Variants in LSMEM2 observed in about 807,000 individuals in gnomAD.
LSMEM2 encodes leucine rich single-pass membrane protein 2, also known as leucine-rich single-pass membrane protein 2.
LSMEM2 carries 20 observed loss-of-function variants against 17.3 expected under a neutral mutation model. The observed-to-expected ratio is 1.16, with a 90% CI of 0.81 to 1.68. The LOEUF (loss-of-function observed/expected upper bound fraction) is 1.68. Ranked by LOEUF, LSMEM2 falls within the 40% of genes most tolerant of loss-of-function variation. LSMEM2 has a pLI of 0.00. For missense variants in LSMEM2, 207 were observed against 214.3 expected (o/e 0.97, Z 0.21); for synonymous variants, 94 against 97.8 (o/e 0.96, Z 0.23).
At chr3:50,279,641 G>C (rs1553707524) in intron 1 of LSMEM2, among the ~76,000 whole-genome samples, 1 of 152,190 alleles carries the variant, frequency 6.6e-6, no homozygotes, top group Non-Finnish European at 1.5e-5. Context: ...CTAGGGTTGG[G>C]GGTCCCTTGG....
Position 50,286,777 on chromosome 3 carries a change from G to A in LSMEM2, c.276G>A (p.Val92=). The change falls in exon 3 of 4, where the codon GTG becomes GTA. Residue 92 remains valine (V), a synonymous_variant. Transcript: ENST00000316436. ...GTGCCCAGGCTGGCTGCAGCCCTGTGTACAGACGAGGAGGGTTCCTGCTGC... is the reference window on the plus strand; with the variant it reads ...GTGCCCAGGCTGGCTGCAGCCCTGTATACAGACGAGGAGGGTTCCTGCTGC... ...SLCAQAGCSP[V]YRRGGFLLLL... is the part of the protein sequence containing the mutation. 2.5e-6 allele frequency: 4 copies of A among 1,614,194 alleles called. No homozygotes were observed. The highest frequency in any genetic ancestry group is 3.4e-6 in the Non-Finnish European group (4 of 1,180,044).
At position 50,287,295 on chromosome 3, in the gene LSMEM2, C is replaced by T; in HGVS notation, c.*93C>T. 1.4e-6 allele frequency: 2 copies of T among 1,467,412 alleles called. No homozygotes were observed. Among genetic ancestry groups the T allele is most frequent in the Non-Finnish European group, 1.9e-6 (2 of 1,067,260 alleles). The allele number at this position is 1,467,412 out of a possible 1,614,324, so 90.9% of individuals were successfully genotyped here. On this transcript the variant is annotated 3_prime_UTR_variant, in exon 4 of 4. Coordinates refer to ENST00000316436, the MANE Select transcript of LSMEM2 (RefSeq NM_153215.3). ...TCTCCTTCCCTACTGCTGGCTGCCA[C>T]ATCTACACTATTTCCTTGGTGAGAT...
chr3:50,287,041 C>CTGA (rs1553708653), intron 3 of LSMEM2, 28 bp from the exon 4 acceptor site: 4 of 1,612,852 alleles, frequency 2.5e-6, no homozygotes, highest in East Asian at 4.5e-5. Flanking sequence ...GGCACATGGT[C>CTGA]TGATGATCCC....
At chr3:50,286,640 C>T (rs1553708528) in intron 2 of LSMEM2, 34 bp from the exon 3 acceptor site, 3 of 1,611,038 alleles carry the variant, frequency 1.9e-6, no homozygotes, top group East Asian at 4.5e-5. Context: ...AAAGCAGGTG[C>T]ACCCACCACC....
intron 1 of LSMEM2, among the ~76,000 whole-genome samples, chr3:50,284,895 G>T (rs1553708186): frequency 1.3e-5 from 2 of 152,030 alleles, no homozygotes; most frequent in African/African-American, 4.8e-5. Flanking sequence ...AATTAGCAGG[G>T]CGTGGTGGCA....
At chr3:50,285,445 G>A (rs1282286312) in intron 1 of LSMEM2, among the ~76,000 whole-genome samples, 1 of 151,986 alleles carries the variant, frequency 6.6e-6, no homozygotes, top group Non-Finnish European at 1.5e-5. Context: ...TTCCAGACCA[G>A]CCTGGCCAAC....
At chr3:50,283,836 G>T (rs1165968228) in intron 1 of LSMEM2, among the ~76,000 whole-genome samples, 2 of 152,002 alleles carry the variant, frequency 1.3e-5, no homozygotes, top group African/African-American at 2.4e-5. Context: ...GAGTGTGAAA[G>T]TACATAATTA....
chr3:50,282,951 C>G (rs1290912711), intron 1 of LSMEM2, among the ~76,000 whole-genome samples: 1 of 151,936 alleles, frequency 6.6e-6, no homozygotes, highest in African/African-American at 2.4e-5. Context: ...CTTTGGGAGG[C>G]TGAGGTGAGC....
intron 1 of LSMEM2, among the ~76,000 whole-genome samples, chr3:50,283,036 T>C (rs1293429634): frequency 1.3e-5 from 2 of 148,444 alleles, no homozygotes; most frequent in Non-Finnish European, 3.0e-5. Context: ...AATACAAAAA[T>C]TAGCCAGGCG....
Position 50,287,810 on chromosome 3 carries a change from G to T in LSMEM2, c.*608G>T. The stretch of plus-strand genomic sequence containing the variant: ...AAATCAGCACACAAATCCATTCCAG[G>T]TAGCTTTGCCACCCCACCTGCTGTG... On this transcript the variant is annotated 3_prime_UTR_variant, in exon 4 of 4. Coordinates refer to ENST00000316436, the MANE Select transcript of LSMEM2 (RefSeq NM_153215.3). The T allele has an allele frequency of 3.9e-6, 1 of 253,318 alleles. No individual in the cohort carries two copies. Among genetic ancestry groups the T allele is most frequent in the Non-Finnish European group, 7.7e-6 (1 of 129,888 alleles). 15.7% of individuals were successfully genotyped at this position (253,318 alleles called of 1,614,324 possible).
chr3:50,280,937 A>C (rs1412479827), intron 1 of LSMEM2, among the ~76,000 whole-genome samples: 1 of 152,096 alleles, frequency 6.6e-6, no homozygotes, highest in Non-Finnish European at 1.5e-5. Context: ...GGCATAAGCC[A>C]CTGTGCCTAC....
In LSMEM2 at chr3:50,285,842, C is replaced by CA. The variant is rs781976164; in HGVS notation, c.59-619dup. Among the ~76,000 whole-genome samples the CA allele has an allele frequency of 8.8e-3, 1,301 of 147,118 alleles. 10 individuals carry two copies. Among genetic ancestry groups the CA allele is most frequent in the African/African-American group, 0.022 (874 of 40,292 alleles). ...GGGCAACAAGAGCGAAACTCCGTCT[C>CA]AAAAAAAAAAGGGGGGCGGGGACTG... On this transcript the variant is annotated intron_variant, in intron 1 of 3. Coordinates refer to ENST00000316436, the MANE Select transcript of LSMEM2 (RefSeq NM_153215.3).
intron 1 of LSMEM2, among the ~76,000 whole-genome samples, chr3:50,280,924 AG>A (rs1337156040): frequency 6.6e-6 from 1 of 152,138 alleles, no homozygotes; most frequent in African/African-American, 2.4e-5. Context: ...TGCTGGGATT[AG>A]AGGCATAAGC....
At position 50,286,453 on chromosome 3, in the gene LSMEM2, C is replaced by A. The variant is rs782566436; in HGVS notation, c.59-18C>A. On this transcript the variant is annotated intron_variant, in intron 1 of 3. Coordinates refer to ENST00000316436, the MANE Select transcript of LSMEM2 (RefSeq NM_153215.3). ...GTTGACCCACCACTGGCTAAATCAG[C>A]CTGCGCTGCCCCTGCAGACTCCGTG... The A allele has an allele frequency of 6.3e-7, 1 of 1,578,666 alleles. No homozygotes were observed. Among genetic ancestry groups the A allele is most frequent in the Non-Finnish European group, 8.6e-7 (1 of 1,163,598 alleles).
intron 1 of LSMEM2, among the ~76,000 whole-genome samples, chr3:50,282,967 A>G (rs1242391761): frequency 1.3e-5 from 2 of 151,954 alleles, no homozygotes; most frequent in Non-Finnish European, 2.9e-5. Flanking sequence ...TGAGCAGATC[A>G]CGAGGTCAAG....
intron 1 of LSMEM2, among the ~76,000 whole-genome samples, chr3:50,280,177 C>CTTT (rs10656924): frequency 5.9e-5 from 7 of 117,666 alleles, no homozygotes; most frequent in South Asian, 5.3e-4. Context: ...CTGGCCTCAA[C>CTTT]TTTTTTTTTT....
chr3:50,287,658 G>A lies in LSMEM2; in HGVS notation c.*456G>A, dbSNP rs1362462285. On this transcript the variant is annotated 3_prime_UTR_variant, in exon 4 of 4. Transcript: ENST00000316436. ...GAAGACTGCCTTGGAGGGCAAAGGT[G>A]ACATCGTGGAAGACCAGTTGGGCCC... The A allele has an allele frequency of 8.9e-6, 2 of 225,952 alleles. No homozygotes were observed. The highest frequency in any genetic ancestry group is 2.3e-5 in the African/African-American group (1 of 44,278). The allele number at this position is 225,952 out of a possible 1,614,324, so 14.0% of individuals were successfully genotyped here. A position where few individuals can be genotyped will look rare whatever the true frequency, so the allele number is the denominator to read the frequency against.
chr3:50,285,138 C>G (rs1357021241), intron 1 of LSMEM2, among the ~76,000 whole-genome samples: 1 of 152,024 alleles, frequency 6.6e-6, no homozygotes, highest in Non-Finnish European at 1.5e-5. Context: ...TCAAGACTAG[C>G]CTGGCCAAGA....
chr3:50,288,107 C>T lies in LSMEM2; in HGVS notation c.*905C>T. The T allele has an allele frequency of 8.3e-7, 1 of 1,199,940 alleles. No individual in the cohort carries two copies. Among genetic ancestry groups the T allele is most frequent in the Non-Finnish European group, 1.2e-6 (1 of 824,996 alleles). 74.3% of individuals were successfully genotyped at this position (1,199,940 alleles called of 1,614,324 possible). ...ATTAAAAAAAATAAAGTGACAAATA[C>T]TGGTGGAGACCAGTTGTTGCACTGT... is the stretch of plus-strand genomic sequence containing the variant. On this transcript the variant is annotated 3_prime_UTR_variant, in exon 4 of 4. Transcript: ENST00000316436.
Sources: allele counts gnomAD v4.1 joint callset (sites outside exome capture counted in the v4.1 genomes callset), GRCh38; gene constraint gnomAD v4.1.1; transcripts MANE v1.5; gene names NCBI Gene and HGNC (gene_info 2026-07-23, HGNC 2026-07-21).